The following BBS4 variants were observed in gnomAD, a reference collection of about 807,000 sequenced individuals.
The protein encoded by BBS4 is Bardet-Biedl syndrome 4.
BBS4 carries 58 observed loss-of-function variants against 71.4 expected under a neutral mutation model. The observed-to-expected ratio is 0.81, with a 90% CI of 0.66 to 1.01. The LOEUF is 1.01. Ranked by LOEUF, BBS4 falls within the 50% of genes least tolerant of loss-of-function variation. The pLI, the probability that BBS4 is intolerant of heterozygous loss-of-function variation, is 0.00. For missense variants in BBS4, 660 were observed against 607.9 expected (o/e 1.09, Z -0.90); for synonymous variants, 228 against 216.8 (o/e 1.05, Z -0.46).
chr15:72,701,734 A>C (rs1441081490), intron 2 of BBS4, among the ~76,000 whole-genome samples: 1 of 152,168 alleles, frequency 6.6e-6, no homozygotes. Context: ...GTAAGTATGT[A>C]TTTTTAAGAA....
Position 72,722,962 on chromosome 15 carries a change from T to C in BBS4, c.459+115T>C, listed in dbSNP as rs2065604266. The C allele has an allele frequency of 7.1e-6, 6 of 850,206 alleles. No homozygotes were observed. In the Admixed American group the frequency reaches 1.1e-4, roughly 16 times the overall value. The allele number at this position is 850,206 out of a possible 1,614,324, so 52.7% of individuals were successfully genotyped here. ...TGCAGAGGTTTTTGGAACTGAAAAT[T>C]GAAAGTACCTTTATACATTTTTTTC... On this transcript the variant is annotated intron_variant, in intron 7 of 15. Transcript: ENST00000268057.
At chr15:72,717,362 T>C (rs1358457248) in intron 6 of BBS4, 1 of 154,056 alleles carries the variant, frequency 6.5e-6, no homozygotes, top group Admixed American at 6.5e-5. Context: ...CAAATTCGTT[T>C]TTGTTTTTTT....
In BBS4 at chr15:72,689,194, G is replaced by T. The variant is rs150231071; in HGVS notation, c.24+2943G>T. Among the ~76,000 whole-genome samples, 1,040 of 152,274 alleles carry T rather than the reference G, an allele frequency of 6.8e-3. 9 individuals carry two copies. Among genetic ancestry groups the T allele is most frequent in the African/African-American group, 0.024 (997 of 41,548 alleles). On this transcript the variant is annotated intron_variant, in intron 1 of 15. Transcript: ENST00000268057. Reference sequence around the variant, plus strand: ...GATAAGGATATATGGATATGGAGGAGAGAAAAGGAAAAGACTCAAAACTCA... The same window carrying T: ...GATAAGGATATATGGATATGGAGGATAGAAAAGGAAAAGACTCAAAACTCA...
At chr15:72,696,872 T>C (rs2065086240) in intron 2 of BBS4, among the ~76,000 whole-genome samples, 1 of 152,174 alleles carries the variant, frequency 6.6e-6, no homozygotes. Context: ...ATTACAGGCA[T>C]GAGCTATTGC....
rs764423333 is a variant in BBS4, at chr15:72,722,822, A to G, written c.434A>G (p.Tyr145Cys). 3.7e-6 allele frequency: 6 copies of G among 1,613,940 alleles called. No individual in the cohort carries two copies. Among genetic ancestry groups the G allele is most frequent in the Non-Finnish European group, 4.2e-6 (5 of 1,179,918 alleles). ...WEISHNLGVC[Y>C]IYLKQFNKAQ... ...ATCAGCCATAACCTAGGAGTTTGCT[A>G]CATATACCTGAAGCAGTTCAACAAG... Residue 145 changes from tyrosine (Y) to cysteine (C), a missense_variant, in exon 7 of 16, where the codon TAC becomes TGC. Coordinates refer to ENST00000268057, the MANE Select transcript of BBS4 (RefSeq NM_033028.5).
chr15:72,737,002 C>A lies in BBS4; in HGVS notation c.1450+39C>A, dbSNP rs770170628. 21 of 1,597,018 alleles carry A rather than the reference C, an allele frequency of 1.3e-5. No homozygotes were observed. Among genetic ancestry groups the A allele is most frequent in the African/African-American group, 2.7e-5 (2 of 74,692 alleles). On this transcript the variant is annotated intron_variant, in intron 15 of 15. Transcript: ENST00000268057. ...GAGCTCCATGAAGACCTGGCAGGTA[C>A]AAGCCACATGTGTCTGTCAGCAGAG...
chr15:72,701,279 T>C (rs1180098189), intron 2 of BBS4, among the ~76,000 whole-genome samples: 2 of 152,254 alleles, frequency 1.3e-5, no homozygotes, highest in Non-Finnish European at 2.9e-5. Context: ...GATTCATTTA[T>C]GTTGTTGCAT....
rs1230571253 is a variant in BBS4, at chr15:72,728,085, T to A, written c.642+91T>A. ...TGGTTTTCCTGCATTCTGATATTTATTTTATTAAAGGTCATATAAAGTTCA... is the reference window on the plus strand; with the variant it reads ...TGGTTTTCCTGCATTCTGATATTTAATTTATTAAAGGTCATATAAAGTTCA... On this transcript the variant is annotated intron_variant, in intron 9 of 15. Coordinates refer to ENST00000268057, the MANE Select transcript of BBS4 (RefSeq NM_033028.5). 4 of 894,550 alleles carry A rather than the reference T, an allele frequency of 4.5e-6. No individual in the cohort carries two copies. The African/African-American group carries it at 6.6e-5, about 15-fold the overall frequency. 55.4% of individuals were successfully genotyped at this position (894,550 alleles called of 1,614,324 possible). A position where few individuals can be genotyped will look rare whatever the true frequency, so the allele number is the denominator to read the frequency against.
chr15:72,719,261 A>G (rs906496960), intron 6 of BBS4, among the ~76,000 whole-genome samples: 1 of 100,166 alleles, frequency 1.0e-5, no homozygotes, highest in Non-Finnish European at 2.4e-5. Context: ...TTTACTTTCT[A>G]AATTTTTTTT....
intron 2 of BBS4, among the ~76,000 whole-genome samples, chr15:72,699,359 C>G (rs889410633): frequency 1.3e-5 from 2 of 152,138 alleles, no homozygotes; most frequent in African/African-American, 4.8e-5. Flanking sequence ...TCTGGGATTA[C>G]AGGTGTGAGC....
At chr15:72,713,351 G>GCA (rs2065412606) in intron 4 of BBS4, among the ~76,000 whole-genome samples, 2 of 27,328 alleles carry the variant, frequency 7.3e-5, no homozygotes, top group Admixed American at 5.6e-4. Context: ...ACACACACAC[G>GCA]CACACGCACG....
Position 72,703,620 on chromosome 15 carries a change from T to G in BBS4, c.77-6080T>G, listed in dbSNP as rs563185574. ...GGGGATAAATGGAGGCCCAGAGAAG[T>G]GAAATAACTTGCCCTAGGCCCCATA... On this transcript the variant is annotated intron_variant, in intron 2 of 15. Coordinates refer to ENST00000268057, the MANE Select transcript of BBS4 (RefSeq NM_033028.5). Among the ~76,000 whole-genome samples, 44 of 152,112 alleles carry G rather than the reference T, an allele frequency of 2.9e-4. 1 individual carries two copies. Among genetic ancestry groups the G allele is most frequent in the Non-Finnish European group, 5.6e-4 (38 of 68,018 alleles).
At chr15:72,694,005 C>G (rs1190972431) in intron 1 of BBS4, among the ~76,000 whole-genome samples, 1 of 152,060 alleles carries the variant, frequency 6.6e-6, no homozygotes, top group Admixed American at 6.6e-5. Flanking sequence ...CTGCCTCAGC[C>G]TCCCAAGTAG....
chr15:72,729,558 C>G (rs2065771234), intron 9 of BBS4, 58 bp from the exon 10 acceptor site: 1 of 1,548,934 alleles, frequency 6.5e-7, no homozygotes, highest in Non-Finnish European at 8.9e-7. Flanking sequence ...TCTGGCCAGA[C>G]TCTTTTAACT....
At chr15:72,701,813 TA>T (rs1012357277) in intron 2 of BBS4, among the ~76,000 whole-genome samples, 47 of 152,028 alleles carry the variant, frequency 3.1e-4, no homozygotes, top group African/African-American at 9.4e-4. Context: ...ACACTGGTTT[TA>T]AAAAAAATAA....
chr15:72,736,813 C>T lies in BBS4; in HGVS notation c.1300C>T (p.Leu434=), dbSNP rs2065933668. 3.1e-6 allele frequency: 5 copies of T among 1,614,104 alleles called. No homozygotes were observed. In the South Asian group the frequency reaches 4.4e-5, roughly 14 times the overall value. ...LGAALQVGEA[L]VWTKPVKDPK... ...AGCTGCTCTCCAGGTTGGGGAGGCACTGGTCTGGACCAAACCAGTTAAAGA... is the reference window on the plus strand; with the variant it reads ...AGCTGCTCTCCAGGTTGGGGAGGCATTGGTCTGGACCAAACCAGTTAAAGA... The change falls in exon 15 of 16, where the codon CTG becomes TTG. Residue 434 remains leucine (L), a synonymous_variant. Coordinates refer to ENST00000268057, the MANE Select transcript of BBS4 (RefSeq NM_033028.5).
At chr15:72,735,324 G>T in intron 13 of BBS4, 142 bp downstream of exon 13, 1 of 704,040 alleles carries the variant, frequency 1.4e-6, no homozygotes. Context: ...TCAGTGTGGA[G>T]GGATGTGTCT....
chr15:72,716,690 G>T, intron 5 of BBS4, 88 bp from the exon 6 acceptor site: 1 of 1,018,014 alleles, frequency 9.8e-7, no homozygotes, highest in Non-Finnish European at 1.5e-6. Flanking sequence ...ATTCTCTGCT[G>T]GATGAAATAT....
At chr15:72,698,680 C>T (rs2065119850) in intron 2 of BBS4, among the ~76,000 whole-genome samples, 1 of 152,020 alleles carries the variant, frequency 6.6e-6, no homozygotes, top group South Asian at 2.1e-4. Flanking sequence ...GTCAGTAATT[C>T]TTAAAGAATT....
Sources: gnomAD v4.1 joint callset for allele counts (sites outside exome capture counted in the v4.1 genomes callset) on GRCh38, gnomAD v4.1.1 for gene constraint, MANE v1.5 for transcripts, NCBI Gene and HGNC (gene_info 2026-07-23, HGNC 2026-07-21) for gene names.